ADARB2: variants seen among roughly 807,000 people sequenced by gnomAD.
ADARB2 encodes inactive double-stranded RNA-specific editase B2.
Under a neutral mutation model 62.2 loss-of-function variants are expected in ADARB2, and 25 were observed. That is an observed-to-expected ratio of 0.40 (90% CI 0.29 to 0.56). ADARB2 has a LOEUF of 0.56. Among genes scored for constraint, ADARB2 ranks in the 20% least tolerant of loss-of-function variants. The pLI is 0.43. For missense variants in ADARB2, 1,071 were observed against 1,077.4 expected, an observed-to-expected ratio of 0.99 and a Z score of 0.08; for synonymous variants, 572 against 500.8, an observed-to-expected ratio of 1.14 and a Z score of -1.90.
chr10:1,515,483 G>C (rs1831997185), intron 1 of ADARB2, among the ~76,000 whole-genome samples: 1 of 152,264 alleles, frequency 6.6e-6, no homozygotes, highest in Non-Finnish European at 1.5e-5. Flanking sequence ...CTGCAGAAGA[G>C]TAAGGACATC....
intron 3 of ADARB2, among the ~76,000 whole-genome samples, chr10:1,299,527 A>C (rs539267478): frequency 6.6e-6 from 1 of 152,190 alleles, no homozygotes; most frequent in Non-Finnish European, 1.5e-5. Flanking sequence ...GACGGTATGC[A>C]AATGAGAACT....
At chr10:1,213,560 A>G (rs1837190063) in intron 7 of ADARB2, among the ~76,000 whole-genome samples, 1 of 152,204 alleles carries the variant, frequency 6.6e-6, no homozygotes, top group Admixed American at 6.5e-5. Context: ...GCACTTGTGA[A>G]TGGAGAGAGA....
chr10:1,359,357 C>T (rs1291298290), intron 3 of ADARB2, among the ~76,000 whole-genome samples: 1 of 152,180 alleles, frequency 6.6e-6, no homozygotes, highest in Non-Finnish European at 1.5e-5. Context: ...CTGCCTTTGT[C>T]ACTCTGGCTG....
chr10:1,419,135 C>T (rs1488018544), intron 1 of ADARB2, among the ~76,000 whole-genome samples: 3 of 151,992 alleles, frequency 2.0e-5, no homozygotes, highest in Admixed American at 1.3e-4. Flanking sequence ...TTCTTGTTGC[C>T]CAGGCTGGAG....
At chr10:1,719,178 G>T (rs568736159) in intron 1 of ADARB2, among the ~76,000 whole-genome samples, 1 of 152,238 alleles carries the variant, frequency 6.6e-6, no homozygotes, top group African/African-American at 2.4e-5. Flanking sequence ...TGGCCAGGCT[G>T]GTCTTGAACT....
chr10:1,647,233 T>C (rs1295549009), intron 1 of ADARB2, among the ~76,000 whole-genome samples: 2 of 152,264 alleles, frequency 1.3e-5, no homozygotes, highest in African/African-American at 4.8e-5. Flanking sequence ...GAGTTCTTTG[T>C]AGAAACATAG....
chr10:1,647,111 A>G (rs1462159682), intron 1 of ADARB2, among the ~76,000 whole-genome samples: 1 of 152,248 alleles, frequency 6.6e-6, no homozygotes, highest in East Asian at 1.9e-4. Context: ...CTGGAGGCAT[A>G]ATTTAAAAAG....
At chr10:1,732,233 A>G (rs1245265438) in intron 1 of ADARB2, among the ~76,000 whole-genome samples, 2 of 151,550 alleles carry the variant, frequency 1.3e-5, no homozygotes, top group Non-Finnish European at 2.9e-5. Context: ...GTATGTGTGT[A>G]TATATATCAT....
intron 4 of ADARB2, among the ~76,000 whole-genome samples, chr10:1,265,385 G>C (rs916336863): frequency 5.3e-5 from 8 of 152,240 alleles, no homozygotes; most frequent in Non-Finnish European, 1.2e-4. Context: ...CTGACAGTTT[G>C]GCTAGTAAGT....
intron 1 of ADARB2, among the ~76,000 whole-genome samples, chr10:1,471,858 A>G (rs1488604105): frequency 6.6e-6 from 1 of 152,236 alleles, no homozygotes; most frequent in Non-Finnish European, 1.5e-5. Flanking sequence ...ACATTGAATA[A>G]CACAGGACCA....
intron 1 of ADARB2, among the ~76,000 whole-genome samples, chr10:1,696,318 G>A (rs151210093): frequency 6.6e-4 from 101 of 152,272 alleles, no homozygotes; most frequent in African/African-American, 2.0e-3. Flanking sequence ...ATGTGTGCAC[G>A]TGTGTTTTGT....
intron 3 of ADARB2, among the ~76,000 whole-genome samples, chr10:1,293,235 A>ACAGAGGGAGGGAAGGAGGGG (rs1831491807): frequency 8.9e-6 from 1 of 112,320 alleles, no homozygotes; most frequent in Non-Finnish European, 1.8e-5. Context: ...ACGGGGAGGG[A>ACAGAGGGAGGGAAGGAGGGG]GAGAGGGACG....
chr10:1,351,288 T>C (rs908026771), intron 3 of ADARB2, among the ~76,000 whole-genome samples: 2 of 152,174 alleles, frequency 1.3e-5, no homozygotes, highest in Admixed American at 1.3e-4. Context: ...TAACTCACAG[T>C]GGAAGGTAAG....
chr10:1,204,506 C>G (rs545266934), intron 7 of ADARB2, among the ~76,000 whole-genome samples: 1 of 152,254 alleles, frequency 6.6e-6, no homozygotes, highest in Admixed American at 6.5e-5. Flanking sequence ...TCCCACAGCT[C>G]TCGTGCCTCT....
intron 1 of ADARB2, among the ~76,000 whole-genome samples, chr10:1,670,767 G>A (rs1409255463): frequency 6.6e-6 from 1 of 152,196 alleles, no homozygotes; most frequent in East Asian, 1.9e-4. Context: ...GGCTTCCTGA[G>A]CTGTCCAGCA....
At chr10:1,297,591 G>C (rs886201852) in intron 3 of ADARB2, among the ~76,000 whole-genome samples, 1 of 152,182 alleles carries the variant, frequency 6.6e-6, no homozygotes, top group African/African-American at 2.4e-5. Flanking sequence ...TGGACAAGGA[G>C]CCCCCTCTGA....
intron 1 of ADARB2, among the ~76,000 whole-genome samples, chr10:1,551,526 G>A (rs1263197706): frequency 1.3e-5 from 2 of 152,186 alleles, no homozygotes; most frequent in Non-Finnish European, 2.9e-5. Flanking sequence ...CTTCCTGGGC[G>A]GCTGTCCCTC....
intron 7 of ADARB2, among the ~76,000 whole-genome samples, chr10:1,207,693 C>T (rs1173858211): frequency 6.6e-6 from 1 of 152,200 alleles, no homozygotes; most frequent in Non-Finnish European, 1.5e-5. Context: ...GCTGTAATTT[C>T]TTATGGTTCA....
In ADARB2 at chr10:1,178,977, C is replaced by CA. The variant is rs111229495; in HGVS notation, c.*4215dup. Reference sequence around the variant, plus strand: ...CTTATTGTATTTTGGGCCAATTAGTCAGATTATTTTATTAGAATGGCTTCT... The same window carrying CA: ...CTTATTGTATTTTGGGCCAATTAGTCAAGATTATTTTATTAGAATGGCTTCT... On this transcript the variant is annotated 3_prime_UTR_variant, in exon 10 of 10. Transcript: ENST00000381312. 5.9e-5 allele frequency: 9 copies of CA among 152,274 alleles called. No homozygotes were observed. Among genetic ancestry groups the CA allele is most frequent in the African/African-American group, 1.9e-4 (8 of 41,556 alleles). 9.4% of individuals were successfully genotyped at this position (152,274 alleles called of 1,614,324 possible). A position where few individuals can be genotyped will look rare whatever the true frequency, so the allele number is the denominator to read the frequency against.
Sources: allele counts gnomAD v4.1 joint callset (sites outside exome capture counted in the v4.1 genomes callset), GRCh38; gene constraint gnomAD v4.1.1; transcripts MANE v1.5; gene names NCBI Gene and HGNC (gene_info 2026-07-23, HGNC 2026-07-21).